Variants in TMEM170A observed in about 807,000 individuals in gnomAD.
TMEM170A encodes transmembrane protein 170.
In TMEM170A, 18 loss-of-function variants were observed where a neutral mutation model predicts 12.8. The ratio of observed to expected loss-of-function variants is 1.41; its 90% CI spans 0.97 to 2.09. The LOEUF (loss-of-function observed/expected upper bound fraction) is 2.09, where lower values mean the gene tolerates loss of function less well. Among genes scored for constraint, TMEM170A ranks in the 30% most tolerant of loss-of-function variants. The pLI, the probability that TMEM170A is intolerant of heterozygous loss-of-function variation, is 0.00. For synonymous variants in TMEM170A, 107 were observed against 76.2 expected, an observed-to-expected ratio of 1.40 and a Z score of -2.11; for missense variants, 220 against 179.9, an observed-to-expected ratio of 1.22 and a Z score of -1.28.
chr16:75,457,195 A>C (rs940694192), intron 1 of TMEM170A, among the ~76,000 whole-genome samples: 5 of 152,086 alleles, frequency 3.3e-5, no homozygotes, highest in Admixed American at 6.5e-5. Context: ...TTCTGCAGTA[A>C]CTCAAGGCAC....
chr16:75,463,961 C>T (rs946504234), intron 1 of TMEM170A, among the ~76,000 whole-genome samples: 1 of 152,236 alleles, frequency 6.6e-6, no homozygotes, highest in Non-Finnish European at 1.5e-5. Context: ...GAGGATTTAG[C>T]CCCAGGCGCC....
At chr16:75,457,349 A>C (rs115289479) in intron 1 of TMEM170A, among the ~76,000 whole-genome samples, 2,476 of 152,314 alleles carry the variant, frequency 0.016, 67 homozygotes, top group African/African-American at 0.056. Flanking sequence ...CCAAGTGCTA[A>C]GGGCTGAATT....
Position 75,459,632 on chromosome 16 carries a change from G to T in TMEM170A, c.133+4836C>A, listed in dbSNP as rs142578187. The stretch of plus-strand genomic sequence containing the variant: ...AGCACTTTAGGAGGCCGAGGTAGGA[G>T]GATCACCTGAGGTCAGGAGTTCAAG... On this transcript the variant is annotated intron_variant, in intron 1 of 2. Transcript: ENST00000561878. 6.5e-3 allele frequency among the ~76,000 whole-genome samples: 983 copies of T among 152,204 alleles called. 8 individuals carry two copies. Among genetic ancestry groups the T allele is most frequent in the Middle Eastern group, 0.017 (5 of 294 alleles).
intron 1 of TMEM170A, among the ~76,000 whole-genome samples, chr16:75,454,131 A>T (rs2079739346): frequency 6.6e-6 from 1 of 152,158 alleles, no homozygotes; most frequent in African/African-American, 2.4e-5. Flanking sequence ...CCCTATTGAC[A>T]TTTGGACCAG....
intron 2 of TMEM170A, among the ~76,000 whole-genome samples, chr16:75,450,832 T>A (rs771958603): frequency 6.6e-6 from 1 of 152,128 alleles, no homozygotes; most frequent in South Asian, 2.1e-4. Flanking sequence ...CTAAATTTTT[T>A]ATTTTTATTT....
chr16:75,464,700 G>C, upstream of TMEM170A: 1 of 1,447,590 alleles, frequency 6.9e-7, no homozygotes, highest in Non-Finnish European at 9.1e-7. Context: ...ACCTCCAGCC[G>C]GGGTCCTCTT....
rs768549066 is a variant in TMEM170A, at chr16:75,464,539, C to G, written c.62G>C (p.Ser21Thr). 4 of 1,589,414 alleles carry G rather than the reference C, an allele frequency of 2.5e-6. No individual in the cohort carries two copies. The highest frequency in any genetic ancestry group is 3.4e-6 in the Non-Finnish European group (4 of 1,170,320). The change falls in exon 1 of 3, where the codon AGC becomes ACC. Residue 21 changes from serine (S) to threonine (T), a missense_variant. Coordinates refer to ENST00000561878, the MANE Select transcript of TMEM170A (RefSeq NM_145254.3). ...GCCCACCCGCGGCACAACCTTCAGG[C>G]TCAGGATCTGCTGCAGGAGCCCGGC... is the stretch of plus-strand genomic sequence containing the variant. Reference protein sequence around the residue: ...GSAGLLQQILSLKVVPRVGNG... With the variant: ...GSAGLLQQILTLKVVPRVGNG...
intron 1 of TMEM170A, among the ~76,000 whole-genome samples, chr16:75,455,071 A>G (rs867856028): frequency 6.6e-4 from 100 of 152,292 alleles, no homozygotes; most frequent in African/African-American, 2.3e-3. Flanking sequence ...AATATGCAAT[A>G]GATGGGCTGG....
intron 1 of TMEM170A, chr16:75,458,838 C>T (rs1182098189): frequency 1.3e-5 from 2 of 152,110 alleles, no homozygotes; most frequent in Admixed American, 6.6e-5. Context: ...GACTAAGATC[C>T]CTACCCTAAA....
chr16:75,453,251 C>G (rs944824294), intron 1 of TMEM170A, among the ~76,000 whole-genome samples: 1 of 152,100 alleles, frequency 6.6e-6, no homozygotes, highest in Non-Finnish European at 1.5e-5. Flanking sequence ...TTGGGCAATA[C>G]AGCGAAACCC....
intron 1 of TMEM170A, chr16:75,458,259 A>G (rs2079834634): frequency 6.6e-6 from 1 of 152,242 alleles, no homozygotes; most frequent in Non-Finnish European, 1.5e-5. Flanking sequence ...TCTGTAATAC[A>G]ATATGATATT....
chr16:75,451,178 A>G (rs1309872617), intron 2 of TMEM170A, among the ~76,000 whole-genome samples: 1 of 152,148 alleles, frequency 6.6e-6, no homozygotes, highest in Non-Finnish European at 1.5e-5. Context: ...GAAGCCACTG[A>G]GATGAAATCT....
intron 1 of TMEM170A, among the ~76,000 whole-genome samples, chr16:75,456,168 T>C (rs568285844): frequency 3.1e-4 from 47 of 152,008 alleles, no homozygotes; most frequent in Non-Finnish European, 5.1e-4. Context: ...CCATTTTGAG[T>C]TAATAAAGCT....
chr16:75,460,231 C>T (rs565905980), intron 1 of TMEM170A, among the ~76,000 whole-genome samples: 5 of 152,260 alleles, frequency 3.3e-5, no homozygotes, highest in Admixed American at 1.3e-4. Flanking sequence ...GTACAAAGAA[C>T]GTTTCTTCTC....
intron 1 of TMEM170A, chr16:75,460,093 G>C (rs1016949037): frequency 1.3e-5 from 2 of 153,222 alleles, no homozygotes; most frequent in African/African-American, 4.8e-5. Context: ...CCTGGTTCCT[G>C]GGTGTGCCCC....
intron 1 of TMEM170A, among the ~76,000 whole-genome samples, chr16:75,454,463 CACACAT>C (rs915077094): frequency 4.6e-5 from 7 of 151,210 alleles, no homozygotes; most frequent in East Asian, 1.9e-4. Flanking sequence ...TAAAAATACA[CACACAT>C]ACACACACAC....
chr16:75,452,848 T>A (rs138541762), intron 1 of TMEM170A, among the ~76,000 whole-genome samples: 1 of 152,248 alleles, frequency 6.6e-6, no homozygotes, highest in African/African-American at 2.4e-5. Flanking sequence ...ACCTGTTTTT[T>A]ACACACTTAT....
At chr16:75,450,328 T>A (rs1212514362) in intron 2 of TMEM170A, among the ~76,000 whole-genome samples, 1 of 152,158 alleles carries the variant, frequency 6.6e-6, no homozygotes, top group Non-Finnish European at 1.5e-5. Context: ...TGTTTACATC[T>A]ATACCTAAAA....
In TMEM170A at chr16:75,446,761, T is replaced by C. The variant is rs1256033142; in HGVS notation, c.*797A>G. On this transcript the variant is annotated 3_prime_UTR_variant, in exon 3 of 3. Transcript: ENST00000561878. ...AAAATTTCCAACTCAAGCCATTTAA[T>C]AGGGTATGTATGTTTCCAATTAAAT... is the stretch of plus-strand genomic sequence containing the variant. 6.6e-6 allele frequency: 1 copy of C among 152,208 alleles called. No homozygotes were observed. The highest frequency in any genetic ancestry group is 2.4e-5 in the African/African-American group (1 of 41,462). The allele number at this position is 152,208 out of a possible 1,614,324, so 9.4% of individuals were successfully genotyped here.
Sources: allele counts gnomAD v4.1 joint callset (sites outside exome capture counted in the v4.1 genomes callset), GRCh38; gene constraint gnomAD v4.1.1; transcripts MANE v1.5; gene names NCBI Gene and HGNC (gene_info 2026-07-23, HGNC 2026-07-21).